Variants in ADCY8 observed in about 807,000 individuals in gnomAD.
The protein encoded by ADCY8 is adenylate cyclase type 8.
In ADCY8, 51 loss-of-function variants were observed where a neutral mutation model predicts 119.7. The observed-to-expected ratio is 0.43, with a 90% CI of 0.34 to 0.54. The LOEUF (loss-of-function observed/expected upper bound fraction) is 0.54, where lower values mean the gene tolerates loss of function less well. Among genes scored for constraint, ADCY8 ranks in the 20% least tolerant of loss-of-function variants. ADCY8 has a pLI of 0.03. For synonymous variants in ADCY8, 665 were observed against 651.0 expected, an observed-to-expected ratio of 1.02 and a Z score of -0.33; for missense variants, 1,383 against 1,598.8, an observed-to-expected ratio of 0.87 and a Z score of 2.30.
chr8:131,018,776 A>T (rs948409916), intron 1 of ADCY8, among the ~76,000 whole-genome samples: 12 of 152,106 alleles, frequency 7.9e-5, no homozygotes, highest in African/African-American at 2.9e-4. Context: ...CAAGCCAGGT[A>T]CTCTGTCTCC....
intron 1 of ADCY8, among the ~76,000 whole-genome samples, chr8:130,996,636 G>GA (rs1480742079): frequency 6.6e-6 from 1 of 151,838 alleles, no homozygotes; most frequent in African/African-American, 2.4e-5. Flanking sequence ...AACTACAGGG[G>GA]AAAAAAATGG....
chr8:131,040,141 A>G lies in ADCY8; in HGVS notation c.193T>C (p.Ser65Pro). ...CCCGCAGGGTCCGAGGCTTTGCCCG[A>G]GCCTCCACTCCCGCTGCCGCTGCCT... ...RGGSGSGSGG[S>P]GKASDPAGGG... is the part of the protein sequence containing the mutation. The change falls in exon 1 of 18, where the codon TCG (serine) becomes CCG (proline). Residue 65 changes from serine (S) to proline (P), a missense_variant. Transcript: ENST00000286355. 3 of 1,532,168 alleles carry G rather than the reference A, an allele frequency of 2.0e-6. No individual in the cohort carries two copies. The highest frequency in any genetic ancestry group is 2.6e-6 in the Non-Finnish European group (3 of 1,145,218). 94.9% of individuals were successfully genotyped at this position (1,532,168 alleles called of 1,614,324 possible).
chr8:130,923,929 G>A (rs1264051547), intron 5 of ADCY8, among the ~76,000 whole-genome samples: 2 of 152,164 alleles, frequency 1.3e-5, no homozygotes, highest in African/African-American at 4.8e-5. Context: ...GTTATTCTTA[G>A]ATGTTTATTG....
At chr8:130,893,498 C>G (rs1304789332) in intron 7 of ADCY8, among the ~76,000 whole-genome samples, 1 of 152,112 alleles carries the variant, frequency 6.6e-6, no homozygotes, top group South Asian at 2.1e-4. Flanking sequence ...GTGAGATGAC[C>G]ACTATCCCAT....
intron 7 of ADCY8, chr8:130,892,885 G>A (rs1819237330): frequency 6.6e-6 from 1 of 152,044 alleles, no homozygotes; most frequent in African/African-American, 2.4e-5. Flanking sequence ...AAGGAATCCA[G>A]CCAGGTTAAC....
At chr8:131,032,821 A>G (rs1824035983) in intron 1 of ADCY8, among the ~76,000 whole-genome samples, 1 of 152,188 alleles carries the variant, frequency 6.6e-6, no homozygotes, top group Non-Finnish European at 1.5e-5. Context: ...GGAAGATTAT[A>G]CTAGCTTTCC....
chr8:130,849,967 A>G (rs1016641180), intron 9 of ADCY8, among the ~76,000 whole-genome samples, 164 bp from the exon 10 acceptor site: 3 of 152,184 alleles, frequency 2.0e-5, no homozygotes, highest in South Asian at 2.1e-4. Context: ...TAAAAATTAC[A>G]TGCATCCCTA....
At chr8:130,865,381 A>G (rs1206012885) in intron 9 of ADCY8, among the ~76,000 whole-genome samples, 1 of 151,774 alleles carries the variant, frequency 6.6e-6, no homozygotes, top group African/African-American at 2.4e-5. Context: ...GTCTTTCCAA[A>G]TTTCTAAGTT....
At chr8:130,931,990 A>G (rs6415524) in intron 5 of ADCY8, among the ~76,000 whole-genome samples, 108,225 of 152,002 alleles carry the variant, frequency 0.71, 39,285 homozygotes, top group African/African-American at 0.86. Flanking sequence ...GTGATGTCAT[A>G]TTTCCCTGAT....
At chr8:130,783,164 C>T (rs906916741) in intron 17 of ADCY8, among the ~76,000 whole-genome samples, 3 of 152,158 alleles carry the variant, frequency 2.0e-5, no homozygotes, top group Admixed American at 6.5e-5. Flanking sequence ...ATTAATGTTA[C>T]GTTGTTGCTT....
intron 1 of ADCY8, among the ~76,000 whole-genome samples, chr8:131,009,059 G>A (rs1317559261): frequency 6.6e-6 from 1 of 152,206 alleles, no homozygotes; most frequent in Non-Finnish European, 1.5e-5. Context: ...GACAATGCAA[G>A]AGGAAAGAAA....
rs1816106148 is a variant in ADCY8 at position 130,809,853 on chromosome 8, A to C, written c.2913+4216T>G. Among the ~76,000 whole-genome samples, 3 of 152,210 alleles carry C rather than the reference A, an allele frequency of 2.0e-5. No individual in the cohort carries two copies. The South Asian group carries it at 6.2e-4, about 32-fold the overall frequency. On this transcript the variant is annotated intron_variant, in intron 14 of 17. Transcript: ENST00000286355. ...TGATGGCACTGATGGCTTTCAGCATACCCCTGGCTGCTGTGGCCAGGGACA... is the reference window on the plus strand; with the variant it reads ...TGATGGCACTGATGGCTTTCAGCATCCCCCTGGCTGCTGTGGCCAGGGACA...
At position 131,039,998 on chromosome 8, in the gene ADCY8, G is replaced by C; in HGVS notation, c.336C>G (p.Arg112=). The C allele has an allele frequency of 6.4e-7, 1 of 1,567,060 alleles. No homozygotes were observed. The highest frequency in any genetic ancestry group is 8.6e-7 in the Non-Finnish European group (1 of 1,157,922). ...STCGTKVFPE[R]SGSGSASGSG... is the part of the protein sequence containing the mutation. The stretch of plus-strand genomic sequence containing the variant: ...TGCCGCTGGCACTGCCGCTCCCGCT[G>C]CGTTCCGGGAAGACTTTGGTGCCGC... The change falls in exon 1 of 18, where the codon CGC becomes CGG. Residue 112 remains arginine (R), a synonymous_variant. Coordinates refer to ENST00000286355, the MANE Select transcript of ADCY8 (RefSeq NM_001115.3).
chr8:130,892,221 CTG>C (rs1819213098), intron 7 of ADCY8: 1 of 152,148 alleles, frequency 6.6e-6, no homozygotes, highest in Non-Finnish European at 1.5e-5. Context: ...CAGCACCCCT[CTG>C]TTGTCTGGTT....
intron 1 of ADCY8, 128 bp from the exon 2 acceptor site, chr8:130,990,670 T>C: frequency 8.4e-7 from 1 of 1,196,048 alleles, no homozygotes; most frequent in Non-Finnish European, 1.2e-6. Flanking sequence ...TAATCGCATG[T>C]TTGTAGAGCT....
At chr8:130,800,361 G>A in intron 15 of ADCY8, 65 bp downstream of exon 15, 1 of 1,535,634 alleles carries the variant, frequency 6.5e-7, no homozygotes, top group African/African-American at 1.4e-5. Flanking sequence ...TTCCTACAAT[G>A]AATAACACAA....
intron 2 of ADCY8, among the ~76,000 whole-genome samples, chr8:130,977,152 G>A (rs1822096848): frequency 6.6e-6 from 1 of 152,136 alleles, no homozygotes; most frequent in African/African-American, 2.4e-5. Context: ...GCCCGGGTCG[G>A]GTGTGAGCGC....
chr8:130,894,741 A>G (rs774502218), intron 7 of ADCY8, among the ~76,000 whole-genome samples: 2 of 152,204 alleles, frequency 1.3e-5, no homozygotes, highest in Non-Finnish European at 1.5e-5. Context: ...CAGGCCAACA[A>G]AAATATCCGT....
At chr8:130,874,012 AAATAGACC>A in intron 8 of ADCY8, among the ~76,000 whole-genome samples, 1 of 152,142 alleles carries the variant, frequency 6.6e-6, no homozygotes, top group Middle Eastern at 3.4e-3. Context: ...AGCATCCTTA[AAATAGACC>A]ATTTGGGCTG....
Sources: allele counts gnomAD v4.1 joint callset (sites outside exome capture counted in the v4.1 genomes callset), GRCh38; gene constraint gnomAD v4.1.1; transcripts MANE v1.5; gene names NCBI Gene and HGNC (gene_info 2026-07-23, HGNC 2026-07-21).